GPC5: variants seen among roughly 807,000 people sequenced by gnomAD.
GPC5 encodes glypican-5.
A neutral mutation model predicts 53.9 loss-of-function variants in GPC5; 47 were observed. The observed-to-expected ratio is 0.87, with a 90% CI of 0.69 to 1.11. The LOEUF is 1.11. Ranked by LOEUF, GPC5 falls within the 50% of genes most tolerant of loss-of-function variation. The pLI is 0.00. For missense variants in GPC5, 748 were observed against 713.1 expected (o/e 1.05, Z -0.56); for synonymous variants, 286 against 263.3 (o/e 1.09, Z -0.84).
chr13:92,383,060 T>G (rs1162525516), intron 7 of GPC5, among the ~76,000 whole-genome samples: 1 of 151,394 alleles, frequency 6.6e-6, no homozygotes, highest in Non-Finnish European at 1.5e-5. Flanking sequence ...CTTTCATAAT[T>G]GCAAGATAGC....
At chr13:91,718,341 A>G (rs1246211685) in intron 3 of GPC5, among the ~76,000 whole-genome samples, 1 of 151,520 alleles carries the variant, frequency 6.6e-6, no homozygotes, top group Non-Finnish European at 1.5e-5. Flanking sequence ...CAATCTCCTG[A>G]CCTCGTGATC....
At chr13:92,647,688 T>A (rs1885819075) in intron 7 of GPC5, among the ~76,000 whole-genome samples, 1 of 152,066 alleles carries the variant, frequency 6.6e-6, no homozygotes, top group African/African-American at 2.4e-5. Flanking sequence ...CATTATAGAA[T>A]CAAAGGCTAA....
chr13:92,620,034 A>C lies in GPC5; in HGVS notation c.1562-246248A>C, dbSNP rs926240352. Among the ~76,000 whole-genome samples, 9 of 152,224 alleles carry C rather than the reference A, an allele frequency of 5.9e-5. 1 individual carries two copies. The South Asian group carries it at 1.9e-3, about 32-fold the overall frequency. On this transcript the variant is annotated intron_variant, in intron 7 of 7. Coordinates refer to ENST00000377067, the MANE Select transcript of GPC5 (RefSeq NM_004466.6). Reference sequence around the variant, plus strand: ...GGTTATAAAGATCAGAAAAATAGCTATCAGAGTTAGTATTATTATCCTCGG... The same window carrying C: ...GGTTATAAAGATCAGAAAAATAGCTCTCAGAGTTAGTATTATTATCCTCGG...
At chr13:92,827,931 C>T (rs1877907600) in intron 7 of GPC5, among the ~76,000 whole-genome samples, 1 of 152,108 alleles carries the variant, frequency 6.6e-6, no homozygotes, top group Admixed American at 6.5e-5. Flanking sequence ...TGAAAGGACA[C>T]ATGAGACACT....
At chr13:91,498,320 T>C (rs1377463852) in intron 2 of GPC5, among the ~76,000 whole-genome samples, 4 of 152,042 alleles carry the variant, frequency 2.6e-5, no homozygotes, top group Non-Finnish European at 4.4e-5. Context: ...CTTTACTTTT[T>C]GTTCTGTTGC....
intron 6 of GPC5, among the ~76,000 whole-genome samples, chr13:92,017,011 G>A (rs2040713701): frequency 6.6e-6 from 1 of 152,188 alleles, no homozygotes; most frequent in Admixed American, 6.5e-5. Context: ...CTTTAGCAGA[G>A]AGGGGAACAA....
At chr13:92,683,136 C>T (rs1348321812) in intron 7 of GPC5, among the ~76,000 whole-genome samples, 1 of 151,918 alleles carries the variant, frequency 6.6e-6, no homozygotes, top group Non-Finnish European at 1.5e-5. Context: ...AGAGATGGCG[C>T]TATTCCCAGA....
rs752130758 is a variant in GPC5 at position 92,708,857 on chromosome 13, C to CTTTTTTTTTTTT, written c.1562-157393_1562-157382dup. Among the ~76,000 whole-genome samples, 104 of 48,186 alleles carry CTTTTTTTTTTTT rather than the reference C, an allele frequency of 2.2e-3. 33 individuals are homozygous for CTTTTTTTTTTTT. The highest frequency in any genetic ancestry group is 3.6e-3 in the Non-Finnish European group (87 of 24,284). 31.6% of individuals were successfully genotyped at this position (48,186 alleles called of 152,430 possible). A position where few individuals can be genotyped will look rare whatever the true frequency, so the allele number is the denominator to read the frequency against. ...CTAGCAGCATCTAGCTGGAAACCGCCTTTTTTTTTTTTTTTTTTTTTTTTT... is the reference window on the plus strand; with the variant it reads ...CTAGCAGCATCTAGCTGGAAACCGCCTTTTTTTTTTTTTTTTTTTTTTTTTTTTTTTTTTTTT... On this transcript the variant is annotated intron_variant, in intron 7 of 7. Coordinates refer to ENST00000377067, the MANE Select transcript of GPC5 (RefSeq NM_004466.6).
chr13:92,838,279 TC>T (rs1294921137), intron 7 of GPC5, among the ~76,000 whole-genome samples: 1 of 151,306 alleles, frequency 6.6e-6, no homozygotes, highest in Non-Finnish European at 1.5e-5. Flanking sequence ...GGTCAGGAGA[TC>T]GAAACCATCC....
At chr13:92,507,693 C>T (rs1365149341) in intron 7 of GPC5, among the ~76,000 whole-genome samples, 7 of 151,986 alleles carry the variant, frequency 4.6e-5, no homozygotes, top group Non-Finnish European at 8.8e-5. Context: ...AATGTTATAA[C>T]TGGTACATTA....
At chr13:91,709,323 G>A (rs1215453485) in intron 3 of GPC5, among the ~76,000 whole-genome samples, 3 of 152,102 alleles carry the variant, frequency 2.0e-5, no homozygotes, top group Middle Eastern at 3.2e-3. Context: ...AAATTTAAAA[G>A]CCTTTATACT....
At chr13:92,214,483 A>G (rs1005618927) in intron 7 of GPC5, among the ~76,000 whole-genome samples, 91 of 152,244 alleles carry the variant, frequency 6.0e-4, no homozygotes, top group African/African-American at 2.1e-3. Flanking sequence ...TCCATAATTT[A>G]CTATTAACTC....
In GPC5 at chr13:91,971,212, G is replaced by A. The variant is rs924380551; in HGVS notation, c.1401+63155G>A. 2.0e-5 allele frequency among the ~76,000 whole-genome samples: 3 copies of A among 152,014 alleles called. No individual in the cohort carries two copies. In the East Asian group the frequency reaches 5.8e-4, roughly 29 times the overall value. ...AGTCTTGGGAGGGTGTATGTGTCGA[G>A]GAATTTATCCATTTCTTCTAGATTT... On this transcript the variant is annotated intron_variant, in intron 6 of 7. Coordinates refer to ENST00000377067, the MANE Select transcript of GPC5 (RefSeq NM_004466.6).
chr13:92,036,314 G>T (rs1012162515), intron 6 of GPC5, among the ~76,000 whole-genome samples: 2 of 152,208 alleles, frequency 1.3e-5, no homozygotes, highest in African/African-American at 4.8e-5. Context: ...GCTGGGCAAA[G>T]ATATCATTTT....
intron 6 of GPC5, among the ~76,000 whole-genome samples, chr13:92,079,875 T>C (rs902804455): frequency 1.3e-5 from 2 of 152,204 alleles, no homozygotes; most frequent in African/African-American, 4.8e-5. Flanking sequence ...TCCCGGTCAG[T>C]GTGCCACCTC....
intron 7 of GPC5, among the ~76,000 whole-genome samples, chr13:92,563,647 T>C (rs564917546): frequency 6.6e-6 from 1 of 152,172 alleles, no homozygotes; most frequent in South Asian, 2.1e-4. Context: ...GAAGATGTAT[T>C]CTGGATTCCA....
At chr13:92,022,362 A>G (rs770083521) in intron 6 of GPC5, among the ~76,000 whole-genome samples, 1 of 152,130 alleles carries the variant, frequency 6.6e-6, no homozygotes, top group Non-Finnish European at 1.5e-5. Flanking sequence ...TTTAGTCTAT[A>G]GGATTAGACT....
In GPC5 at chr13:92,852,032, G is replaced by A. The variant is rs543478142; in HGVS notation, c.1562-14250G>A. Among the ~76,000 whole-genome samples, 19 of 152,158 alleles carry A rather than the reference G, an allele frequency of 1.2e-4. No individual in the cohort carries two copies. The South Asian group carries it at 2.3e-3, about 18-fold the overall frequency. On this transcript the variant is annotated intron_variant, in intron 7 of 7. Transcript: ENST00000377067. ...GAAACAGAAAAAAAATTTATTCCTC[G>A]CTGGTCCCAGAGAGATTCGGAGTAC...
intron 7 of GPC5, among the ~76,000 whole-genome samples, chr13:92,161,610 T>C (rs1248230248): frequency 6.6e-6 from 1 of 152,178 alleles, no homozygotes; most frequent in Admixed American, 6.5e-5. Flanking sequence ...TTGGTACTTG[T>C]GAATTATATA....
Sources: gnomAD v4.1 joint callset for allele counts (sites outside exome capture counted in the v4.1 genomes callset) on GRCh38, gnomAD v4.1.1 for gene constraint, MANE v1.5 for transcripts, NCBI Gene and HGNC (gene_info 2026-07-23, HGNC 2026-07-21) for gene names.